Variants in ANTXR2 observed in about 807,000 individuals in gnomAD.
ANTXR2 encodes the protein ANTXR cell adhesion molecule 2.
Under a neutral mutation model 73.7 loss-of-function variants are expected in ANTXR2, and 44 were observed. That is an observed-to-expected ratio of 0.60 (90% CI 0.47 to 0.77). The LOEUF (loss-of-function observed/expected upper bound fraction) is 0.77, where lower values mean the gene tolerates loss of function less well. Ranked by LOEUF, ANTXR2 falls within the 30% of genes least tolerant of loss-of-function variation. The pLI is 0.00. For synonymous variants in ANTXR2, 217 were observed against 205.9 expected, an observed-to-expected ratio of 1.05 and a Z score of -0.46; for missense variants, 604 against 592.5, an observed-to-expected ratio of 1.02 and a Z score of -0.20.
intron 16 of ANTXR2, among the ~76,000 whole-genome samples, chr4:79,966,125 TAGAC>T (rs1560917336): frequency 5.3e-5 from 1 of 18,806 alleles, no homozygotes; most frequent in African/African-American, 2.2e-4. Context: ...TGCTAGGACT[TAGAC>T]ACACACACAC....
intron 3 of ANTXR2, among the ~76,000 whole-genome samples, chr4:80,064,523 T>G (rs372410080): frequency 6.6e-6 from 1 of 152,152 alleles, no homozygotes; most frequent in Non-Finnish European, 1.5e-5. Flanking sequence ...ATGTTTACAT[T>G]AGAGTCATCA....
At position 80,062,382 on chromosome 4, in the gene ANTXR2, AC is replaced by A. The variant is rs1734303975; in HGVS notation, c.297-6370del. Among the ~76,000 whole-genome samples, 3 of 152,248 alleles carry A rather than the reference AC, an allele frequency of 2.0e-5. No individual in the cohort carries two copies. In the South Asian group the frequency reaches 6.2e-4, roughly 32 times the overall value. ...TGCCTTACTAAATCATGAAAAATCAACCCCTGCATTTTACCACTTCCGTGTG... is the reference window on the plus strand; with the variant it reads ...TGCCTTACTAAATCATGAAAAATCAACCCTGCATTTTACCACTTCCGTGTG... On this transcript the variant is annotated intron_variant, in intron 3 of 16. Transcript: ENST00000403729.
chr4:79,913,172 T>C (rs1464884768), intron 16 of ANTXR2, among the ~76,000 whole-genome samples: 4 of 152,192 alleles, frequency 2.6e-5, no homozygotes, highest in African/African-American at 9.6e-5. Context: ...TTTTCAGCAC[T>C]GAATGTGCCC....
intron 16 of ANTXR2, among the ~76,000 whole-genome samples, chr4:79,912,081 T>C (rs1727165750): frequency 6.6e-6 from 1 of 151,954 alleles, no homozygotes; most frequent in African/African-American, 2.4e-5. Context: ...TAATACTCTT[T>C]GGATTCAATA....
At chr4:79,945,676 T>C (rs537344305) in intron 16 of ANTXR2, among the ~76,000 whole-genome samples, 18 of 152,260 alleles carry the variant, frequency 1.2e-4, no homozygotes, top group Admixed American at 9.2e-4. Context: ...ATTTGACATC[T>C]TTCTCTAGAA....
chr4:79,952,746 TA>T (rs1728752213), intron 16 of ANTXR2, among the ~76,000 whole-genome samples: 1 of 151,660 alleles, frequency 6.6e-6, no homozygotes. Context: ...CTAAAGAGTA[TA>T]AAAAGCCTTA....
intron 7 of ANTXR2, among the ~76,000 whole-genome samples, chr4:80,050,111 T>C (rs1473030592): frequency 1.3e-5 from 2 of 151,796 alleles, no homozygotes; most frequent in African/African-American, 4.8e-5. Flanking sequence ...ACTGAGTTTC[T>C]TCTCTGAATT....
intron 7 of ANTXR2, among the ~76,000 whole-genome samples, chr4:80,039,507 CAAGTGGCCAACA>C (rs1329472950): frequency 6.6e-6 from 1 of 152,046 alleles, no homozygotes. Flanking sequence ...AGAAGACATA[CAAGTGGCCAACA>C]AACATACAAA....
intron 12 of ANTXR2, among the ~76,000 whole-genome samples, chr4:79,991,655 G>C (rs1041698143): frequency 7.2e-5 from 11 of 151,948 alleles, no homozygotes; most frequent in Non-Finnish European, 1.5e-5. Context: ...GCACTTGTAT[G>C]TTCATCACAA....
intron 3 of ANTXR2, among the ~76,000 whole-genome samples, chr4:80,067,852 GC>G (rs1261215315): frequency 6.6e-6 from 1 of 152,226 alleles, no homozygotes; most frequent in Non-Finnish European, 1.5e-5. Context: ...TGTGAGGGGT[GC>G]AGGGGAGAAA....
At chr4:80,032,397 C>T (rs1241925355) in intron 9 of ANTXR2, among the ~76,000 whole-genome samples, 1 of 151,678 alleles carries the variant, frequency 6.6e-6, no homozygotes, top group Non-Finnish European at 1.5e-5. Context: ...CAAATGACTA[C>T]TGAATAAAAA....
At chr4:80,027,992 T>C (rs956277291) in intron 10 of ANTXR2, among the ~76,000 whole-genome samples, 6 of 152,126 alleles carry the variant, frequency 3.9e-5, no homozygotes, top group African/African-American at 7.2e-5. Flanking sequence ...TAGAAATAAA[T>C]TTCTAAATAA....
intron 11 of ANTXR2, among the ~76,000 whole-genome samples, chr4:80,010,168 G>C (rs371076573): frequency 1.3e-5 from 2 of 151,896 alleles, no homozygotes; most frequent in African/African-American, 2.4e-5. Flanking sequence ...TTCTTAGAAA[G>C]AACATTCCAA....
intron 12 of ANTXR2, among the ~76,000 whole-genome samples, chr4:79,991,413 C>T (rs1421240809): frequency 6.6e-6 from 1 of 152,026 alleles, no homozygotes. Flanking sequence ...CCATCTCACA[C>T]CAGTCAGAAT....
intron 16 of ANTXR2, chr4:79,964,579 A>T (rs4690129): frequency 0.55 from 84,252 of 152,132 alleles, 26,199 homozygotes; most frequent in East Asian, 0.96. Context: ...TCGTCTCCCC[A>T]CCGCAACGGA....
intron 16 of ANTXR2, among the ~76,000 whole-genome samples, chr4:79,953,338 C>T (rs573638690): frequency 6.6e-6 from 1 of 152,244 alleles, no homozygotes; most frequent in South Asian, 2.1e-4. Flanking sequence ...TCAGTTGCTC[C>T]ATAGATCAAA....
At chr4:80,000,585 T>C (rs1730982055) in intron 12 of ANTXR2, among the ~76,000 whole-genome samples, 1 of 152,044 alleles carries the variant, frequency 6.6e-6, no homozygotes, top group African/African-American at 2.4e-5. Flanking sequence ...AAACAAATAA[T>C]ACATAAATCA....
chr4:79,915,844 C>G (rs1469888797), intron 16 of ANTXR2, among the ~76,000 whole-genome samples: 3 of 120,302 alleles, frequency 2.5e-5, no homozygotes, highest in Non-Finnish European at 3.9e-5. Flanking sequence ...CTCTCTCTCT[C>G]TCTCTCTCTC....
intron 10 of ANTXR2, among the ~76,000 whole-genome samples, chr4:80,020,529 A>G (rs1193167333): frequency 6.6e-6 from 1 of 152,194 alleles, no homozygotes; most frequent in Admixed American, 6.5e-5. Flanking sequence ...ATCTATTTCA[A>G]CCCTTCACAA....
Sources: allele counts gnomAD v4.1 joint callset (sites outside exome capture counted in the v4.1 genomes callset), GRCh38; gene constraint gnomAD v4.1.1; transcripts MANE v1.5; gene names NCBI Gene and HGNC (gene_info 2026-07-23, HGNC 2026-07-21).